POU6F2: variants seen among roughly 807,000 people sequenced by gnomAD.
The protein encoded by POU6F2 is POU class 6 homeobox 2.
A neutral mutation model predicts 71.3 loss-of-function variants in POU6F2; 31 were observed. The observed-to-expected ratio is 0.43, with a 90% confidence interval of 0.33 to 0.59. POU6F2 has a LOEUF of 0.59. Ranked by LOEUF, POU6F2 falls within the 20% of genes least tolerant of loss-of-function variation. The pLI is 0.04. For synonymous variants in POU6F2, 347 were observed against 355.7 expected (o/e 0.98, Z 0.27); for missense variants, 783 against 856.8 (o/e 0.91, Z 1.07).
intron 2 of POU6F2, among the ~76,000 whole-genome samples, chr7:39,184,929 T>C (rs1426497688): frequency 1.3e-5 from 2 of 152,198 alleles, no homozygotes; most frequent in African/African-American, 4.8e-5. Context: ...AAGTTAGATA[T>C]ACAAGCAAGA....
intron 4 of POU6F2, among the ~76,000 whole-genome samples, chr7:39,336,161 T>C (rs1022646264): frequency 1.3e-5 from 2 of 152,246 alleles, no homozygotes; most frequent in African/African-American, 4.8e-5. Flanking sequence ...TTTAACACTT[T>C]ATTAAATCTA....
At chr7:39,259,496 G>A (rs549603314) in intron 4 of POU6F2, among the ~76,000 whole-genome samples, 6 of 152,228 alleles carry the variant, frequency 3.9e-5, no homozygotes, top group Admixed American at 2.0e-4. Flanking sequence ...AAAGGCAAGC[G>A]AGAAGCAGAG....
intron 1 of POU6F2, among the ~76,000 whole-genome samples, chr7:39,038,701 C>G (rs999013632): frequency 1.3e-5 from 2 of 151,988 alleles, no homozygotes; most frequent in East Asian, 3.9e-4. Flanking sequence ...AAACCCTTGC[C>G]TTATCATCCA....
In POU6F2 at chr7:39,124,171, C is replaced by T. The variant is rs999262295; in HGVS notation, c.277+38140C>T. ...AAGTGATTCTCCTGCCTCAACCTCC[C>T]GAGTAGCTGGGATTACAGGCGTGCA... On this transcript the variant is annotated intron_variant, in intron 2 of 9. Transcript: ENST00000518318. 2.6e-5 allele frequency among the ~76,000 whole-genome samples: 4 copies of T among 151,874 alleles called. No homozygotes were observed. The East Asian group carries it at 7.8e-4, about 29-fold the overall frequency.
chr7:39,357,971 A>G (rs925850500), intron 5 of POU6F2, among the ~76,000 whole-genome samples: 2 of 152,184 alleles, frequency 1.3e-5, no homozygotes, highest in Non-Finnish European at 2.9e-5. Flanking sequence ...ATGAATTTTG[A>G]GAGAAAGAGA....
chr7:39,427,986 A>G (rs189319433), intron 6 of POU6F2, among the ~76,000 whole-genome samples: 1 of 152,292 alleles, frequency 6.6e-6, no homozygotes, highest in Admixed American at 6.5e-5. Context: ...ATCTCTATTG[A>G]CTACCTCAAC....
intron 8 of POU6F2, among the ~76,000 whole-genome samples, chr7:39,459,100 C>T (rs1203864830): frequency 6.6e-6 from 1 of 152,208 alleles, no homozygotes; most frequent in Non-Finnish European, 1.5e-5. Context: ...GGAACTGTTT[C>T]TGAGGCTGGA....
At chr7:39,058,929 G>T (rs1173154027) in intron 1 of POU6F2, among the ~76,000 whole-genome samples, 3 of 152,116 alleles carry the variant, frequency 2.0e-5, no homozygotes, top group Admixed American at 1.3e-4. Context: ...TTATATTTAT[G>T]AAAACAACCT....
At chr7:38,990,729 A>G (rs1788582451) in intron 1 of POU6F2, among the ~76,000 whole-genome samples, 1 of 152,090 alleles carries the variant, frequency 6.6e-6, no homozygotes, top group East Asian at 1.9e-4. Context: ...CCACACCTGC[A>G]TCCCTCCTTT....
At chr7:39,177,143 T>G (rs1793347952) in intron 2 of POU6F2, among the ~76,000 whole-genome samples, 1 of 152,222 alleles carries the variant, frequency 6.6e-6, no homozygotes, top group Non-Finnish European at 1.5e-5. Flanking sequence ...AGGATCCACA[T>G]GCAAAACCCA....
At chr7:39,438,243 A>G (rs1788299291) in intron 7 of POU6F2, among the ~76,000 whole-genome samples, 2 of 152,128 alleles carry the variant, frequency 1.3e-5, no homozygotes, top group Non-Finnish European at 2.9e-5. Context: ...GATGGTTTCC[A>G]GCTTCATCCA....
chr7:39,199,277 C>G lies in POU6F2; in HGVS notation c.278-4958C>G, dbSNP rs562031942. Among the ~76,000 whole-genome samples, 7 of 152,308 alleles carry G rather than the reference C, an allele frequency of 4.6e-5. No homozygotes were observed. The South Asian group carries it at 1.2e-3, about 27-fold the overall frequency. On this transcript the variant is annotated intron_variant, in intron 2 of 9. Coordinates refer to ENST00000518318, the MANE Select transcript of POU6F2 (RefSeq NM_001370959.1). ...CAATCTGCCCTGGCCGTCATATCCT[C>G]TTTGCAAAGGGTAAGGCTCCAGAAA...
intron 1 of POU6F2, among the ~76,000 whole-genome samples, chr7:39,049,314 T>C (rs1790358728): frequency 6.6e-6 from 1 of 152,002 alleles, no homozygotes. Flanking sequence ...TTTCTTTTTG[T>C]AAACTATAAA....
chr7:39,433,237 T>C lies in POU6F2; in HGVS notation c.1274T>C (p.Ile425Thr), dbSNP rs780456816. ...TVIGNQILPV[I>T]NTQGITLSPI... ...ATTGGGAACCAGATCCTGCCCGTGA[T>C]CAACACCCAGGGCATCACGCTGTCA... The change falls in exon 7 of 10, where the codon ATC (isoleucine) becomes ACC (threonine). Residue 425 changes from isoleucine (I) to threonine (T), a missense_variant. This residue lies in a region of POU6F2 where 572 missense variants were observed against 572.9 expected (regional missense o/e 1.00). Coordinates refer to ENST00000518318, the MANE Select transcript of POU6F2 (RefSeq NM_001370959.1). 3.7e-6 allele frequency: 6 copies of C among 1,613,860 alleles called. No individual in the cohort carries two copies. The East Asian group carries it at 1.1e-4, about 30-fold the overall frequency.
chr7:39,369,625 A>C (rs572854382), intron 5 of POU6F2, among the ~76,000 whole-genome samples: 1 of 152,070 alleles, frequency 6.6e-6, no homozygotes, highest in Admixed American at 6.5e-5. Context: ...TGGCCTCCCA[A>C]AGTGCTGGGA....
chr7:39,277,774 G>A (rs537400393), intron 4 of POU6F2, among the ~76,000 whole-genome samples: 20 of 152,068 alleles, frequency 1.3e-4, no homozygotes, highest in African/African-American at 3.6e-4. Flanking sequence ...GAAAAAGGTC[G>A]GGGGCCAGGA....
At chr7:39,006,875 G>T (rs373524276) in intron 1 of POU6F2, 297 of 1,613,064 alleles carry the variant, frequency 1.8e-4, no homozygotes, top group Non-Finnish European at 2.3e-4. Context: ...CAGGTATTTT[G>T]TTGATTTTTC....
rs879688527 is a variant in POU6F2 at position 39,340,910 on chromosome 7, C to A, written c.972+895C>A. Among the ~76,000 whole-genome samples, 4 of 152,200 alleles carry A rather than the reference C, an allele frequency of 2.6e-5. No individual in the cohort carries two copies. The South Asian group carries it at 8.3e-4, about 31-fold the overall frequency. ...GCCAAGCCATCCATTCTTTGACTTG[C>A]ACAATGACATTTTTCCCTGTGAGAT... is the stretch of plus-strand genomic sequence containing the variant. On this transcript the variant is annotated intron_variant, in intron 5 of 9. Coordinates refer to ENST00000518318, the MANE Select transcript of POU6F2 (RefSeq NM_001370959.1).
At chr7:39,273,117 A>G (rs1784368887) in intron 4 of POU6F2, among the ~76,000 whole-genome samples, 1 of 152,194 alleles carries the variant, frequency 6.6e-6, no homozygotes, top group Admixed American at 6.5e-5. Context: ...AGAATTTCAG[A>G]TCTTTCTTAA....
Sources: allele counts gnomAD v4.1 joint callset (sites outside exome capture counted in the v4.1 genomes callset), GRCh38; gene constraint gnomAD v4.1.1; regional missense constraint gnomAD v4.1.1; transcripts MANE v1.5; gene names NCBI Gene and HGNC (gene_info 2026-07-23, HGNC 2026-07-21).